The following MERTK variants were observed in gnomAD, a reference collection of about 807,000 sequenced individuals.
MERTK encodes tyrosine-protein kinase Mer.
MERTK carries 69 observed loss-of-function variants against 99.3 expected under a neutral mutation model. The ratio of observed to expected loss-of-function variants is 0.70; its 90% confidence interval spans 0.57 to 0.85. The LOEUF (loss-of-function observed/expected upper bound fraction) is 0.85. Ranked by LOEUF, MERTK falls within the 40% of genes least tolerant of loss-of-function variation. The probability of loss-of-function intolerance (pLI) is 0.00; values close to 1 mark genes in which losing one functional copy is unlikely to be tolerated. For synonymous variants in MERTK, 426 were observed against 467.6 expected, an observed-to-expected ratio of 0.91 and a Z score of 1.15; for missense variants, 1,125 against 1,249.4, an observed-to-expected ratio of 0.90 and a Z score of 1.50.
At chr2:111,921,991 G>A (rs971561001) in intron 1 of MERTK, among the ~76,000 whole-genome samples, 2 of 152,128 alleles carry the variant, frequency 1.3e-5, no homozygotes, top group Non-Finnish European at 2.9e-5. Flanking sequence ...CCACAGGCTG[G>A]CACTCACTCC....
chr2:111,971,099 G>A (rs550271303), intron 6 of MERTK, among the ~76,000 whole-genome samples: 5 of 151,772 alleles, frequency 3.3e-5, no homozygotes, highest in Non-Finnish European at 5.9e-5. Context: ...TAATTTATTG[G>A]TATACAACAT....
intron 1 of MERTK, among the ~76,000 whole-genome samples, chr2:111,908,832 A>T (rs1274161894): frequency 6.6e-6 from 1 of 152,158 alleles, no homozygotes; most frequent in African/African-American, 2.4e-5. Flanking sequence ...TTTGCATTCC[A>T]GGCAGAAAAA....
chr2:112,013,055 C>A (rs1677139563), intron 15 of MERTK, among the ~76,000 whole-genome samples: 1 of 151,900 alleles, frequency 6.6e-6, no homozygotes, highest in South Asian at 2.1e-4. Context: ...TACTCTTTCT[C>A]TTCTTCCTAG....
rs745924245 is a variant in MERTK at position 111,994,233 on chromosome 2, C to A, written c.1297-18C>A. ...AGACCTCAGTGTTTTCATTTCCTCT[C>A]TTCCTCTCTGTCTCCAGAAAGAGCT... On this transcript the variant is annotated intron_variant, in intron 8 of 18. Transcript: ENST00000295408. The A allele has an allele frequency of 1.9e-6, 3 of 1,613,334 alleles. No individual in the cohort carries two copies. The East Asian group carries it at 6.7e-5, about 36-fold the overall frequency.
chr2:112,001,536 A>G lies in MERTK; in HGVS notation c.1690+250A>G, dbSNP rs552936079. 2.6e-5 allele frequency among the ~76,000 whole-genome samples: 4 copies of G among 152,332 alleles called. 1 individual carries two copies. The South Asian group carries it at 8.3e-4, about 32-fold the overall frequency. ...CTCACAATGTCATGAAATGTGGCAG[A>G]AAAGAGGAACCTTCTAGGGTGACAG... On this transcript the variant is annotated intron_variant, in intron 11 of 18. Transcript: ENST00000295408.
chr2:111,925,366 A>T (rs1326683177), intron 1 of MERTK, among the ~76,000 whole-genome samples: 3 of 122,330 alleles, frequency 2.5e-5, no homozygotes, highest in Non-Finnish European at 4.7e-5. Context: ...CAATGGTGAG[A>T]TCTTGGCTTA....
At position 111,929,550 on chromosome 2, in the gene MERTK, C is replaced by G; in HGVS notation, c.482+10C>G. ...TAATCGCTTCCTTCAGGTATGTGTT[C>G]TTTCTTCCTTTTTTATTTTTTTAGT... On this transcript the variant is annotated intron_variant, in intron 2 of 18. Transcript: ENST00000295408. 6.6e-7 allele frequency: 1 copy of G among 1,517,916 alleles called. No individual in the cohort carries two copies. Among genetic ancestry groups the G allele is most frequent in the East Asian group, 2.3e-5 (1 of 43,004 alleles). 94.0% of individuals were successfully genotyped at this position (1,517,916 alleles called of 1,614,324 possible).
intron 2 of MERTK, among the ~76,000 whole-genome samples, chr2:111,932,404 A>G (rs1301099663): frequency 6.6e-6 from 1 of 152,072 alleles, no homozygotes; most frequent in Non-Finnish European, 1.5e-5. Context: ...GATGGTCTCA[A>G]TCTCCTGACC....
Position 112,019,525 on chromosome 2 carries a change from A to G in MERTK, c.2189+3A>G. 6.2e-7 allele frequency: 1 copy of G among 1,601,650 alleles called. No individual in the cohort carries two copies. ...GATTTAGCTGCTCGAAACTGCATGTAAGAGTCCTCGGCTATCCTGGAAGGG... is the reference window on the plus strand; with the variant it reads ...GATTTAGCTGCTCGAAACTGCATGTGAGAGTCCTCGGCTATCCTGGAAGGG... On this transcript the variant is annotated splice_donor_region_variant and intron_variant, in intron 16 of 18. Transcript: ENST00000295408.
chr2:111,968,036 G>A (rs1685391286), intron 5 of MERTK, 101 bp from the exon 6 acceptor site: 1 of 840,864 alleles, frequency 1.2e-6, no homozygotes, highest in South Asian at 1.4e-5. Context: ...TAATCTCAAG[G>A]AACGAAAACA....
In MERTK at chr2:111,984,611, A is replaced by T. The variant is rs1676435146; in HGVS notation, c.1296+1618A>T. Among the ~76,000 whole-genome samples, 2 of 152,196 alleles carry T rather than the reference A, an allele frequency of 1.3e-5. 1 individual carries two copies. Among genetic ancestry groups the T allele is most frequent in the African/African-American group, 4.8e-5 (2 of 41,454 alleles). ...ATGCAGGGCCCTGAAAGTGAAGCCA[A>T]GGCAGGTAGAAATTTGTTGATAGCA... is the stretch of plus-strand genomic sequence containing the variant. On this transcript the variant is annotated intron_variant, in intron 8 of 18. Coordinates refer to ENST00000295408, the MANE Select transcript of MERTK (RefSeq NM_006343.3).
chr2:111,961,156 C>CTTTTTTTTTTTTTTT (rs1052197732), intron 4 of MERTK, among the ~76,000 whole-genome samples: 3 of 98,082 alleles, frequency 3.1e-5, no homozygotes, highest in Non-Finnish European at 6.1e-5. Context: ...AATTTTCTTT[C>CTTTTTTTTTTTTTTT]TTTTTTTTTT....
At chr2:111,978,818 T>C (rs1676309520) in intron 7 of MERTK, among the ~76,000 whole-genome samples, 1 of 152,206 alleles carries the variant, frequency 6.6e-6, no homozygotes, top group South Asian at 2.1e-4. Flanking sequence ...CTGTAAATAG[T>C]GAGCTTTGTT....
Position 112,029,455 on chromosome 2 carries a change from C to A in MERTK, c.*591C>A. 1 of 516,414 alleles carries A rather than the reference C, an allele frequency of 1.9e-6. No homozygotes were observed. Among genetic ancestry groups the A allele is most frequent in the Non-Finnish European group, 2.5e-6 (1 of 401,410 alleles). The allele number at this position is 516,414 out of a possible 1,614,324, so 32.0% of individuals were successfully genotyped here. ...CAAAGGAATTCCCTTAATGCCTGGT[C>A]CTTGGGGCAATTGCTCTGACCATTC... On this transcript the variant is annotated 3_prime_UTR_variant, in exon 19 of 19. Transcript: ENST00000295408.
chr2:111,974,769 C>CAAAAAAAAAAAAAAAAAAAAAAAAA (rs35594851), intron 6 of MERTK, among the ~76,000 whole-genome samples: 4 of 53,366 alleles, frequency 7.5e-5, no homozygotes, highest in Admixed American at 2.8e-4. Flanking sequence ...AGGTCCATCT[C>CAAAAAAAAAAAAAAAAAAAAAAAAA]AAAAAAAAAA....
intron 1 of MERTK, among the ~76,000 whole-genome samples, chr2:111,902,183 C>T (rs1256273718): frequency 6.6e-6 from 1 of 152,210 alleles, no homozygotes; most frequent in African/African-American, 2.4e-5. Context: ...CCACACCCAG[C>T]CAATAATTAT....
At chr2:111,946,383 C>T (rs556712369) in intron 3 of MERTK, among the ~76,000 whole-genome samples, 9 of 152,300 alleles carry the variant, frequency 5.9e-5, no homozygotes, top group South Asian at 2.1e-4. Flanking sequence ...ATAACTGCCA[C>T]GTCATTCCTG....
At position 111,909,043 on chromosome 2, in the gene MERTK, C is replaced by G. The variant is rs143319511; in HGVS notation, c.61+10247C>G. Among the ~76,000 whole-genome samples the G allele has an allele frequency of 4.6e-5, 7 of 152,290 alleles. No homozygotes were observed. The East Asian group carries it at 1.3e-3, about 29-fold the overall frequency. On this transcript the variant is annotated intron_variant, in intron 1 of 18. Transcript: ENST00000295408. ...AAAAATGCTTAACATCACTAATCATCAGGGAGATGTAAACCAAAATTACAA... is the reference window on the plus strand; with the variant it reads ...AAAAATGCTTAACATCACTAATCATGAGGGAGATGTAAACCAAAATTACAA...
chr2:111,941,929 G>T (rs148413154), intron 2 of MERTK, among the ~76,000 whole-genome samples: 7 of 152,126 alleles, frequency 4.6e-5, no homozygotes, highest in Admixed American at 1.3e-4. Context: ...GGCATCTTAC[G>T]CAGTCTGATT....
Sources: gnomAD v4.1 joint callset for allele counts (sites outside exome capture counted in the v4.1 genomes callset) on GRCh38, gnomAD v4.1.1 for gene constraint, MANE v1.5 for transcripts, NCBI Gene and HGNC (gene_info 2026-07-23, HGNC 2026-07-21) for gene names.